CNTN3: variants seen among roughly 807,000 people sequenced by gnomAD.
CNTN3 encodes the protein contactin 3.
In CNTN3, 60 loss-of-function variants were observed where a neutral mutation model predicts 119.1. The ratio of observed to expected loss-of-function variants is 0.50; its 90% confidence interval spans 0.41 to 0.62. The LOEUF (loss-of-function observed/expected upper bound fraction) is 0.62, where lower values mean the gene tolerates loss of function less well. Among genes scored for constraint, CNTN3 ranks in the 20% least tolerant of loss-of-function variants. The probability of loss-of-function intolerance (pLI) is 0.00; values close to 1 mark genes in which losing one functional copy is unlikely to be tolerated. For synonymous variants in CNTN3, 450 were observed against 438.7 expected, an observed-to-expected ratio of 1.03 and a Z score of -0.32; for missense variants, 1,101 against 1,242.4, an observed-to-expected ratio of 0.89 and a Z score of 1.71.
chr3:74,364,640 CT>C, intron 9 of CNTN3, 44 bp from the exon 10 acceptor site: 2 of 1,508,060 alleles, frequency 1.3e-6, no homozygotes, highest in Non-Finnish European at 1.8e-6. Context: ...AAACATACCA[CT>C]TTAGAATAAA....
rs1704363193 is a variant in CNTN3 at position 74,573,285 on chromosome 3, T to C, written c.-81+41106A>G. Reference sequence around the variant, plus strand: ...CCGAGGGTGCACAATTGAAGAGTGCTTTCTTTTTTTTTTTTTAGCCTGTCC... The same window carrying C: ...CCGAGGGTGCACAATTGAAGAGTGCCTTCTTTTTTTTTTTTTAGCCTGTCC... On this transcript the variant is annotated intron_variant, in intron 1 of 22. Coordinates refer to ENST00000263665, the MANE Select transcript of CNTN3 (RefSeq NM_020872.3). Among the ~76,000 whole-genome samples, 2 of 151,212 alleles carry C rather than the reference T, an allele frequency of 1.3e-5. 1 individual carries two copies. Among genetic ancestry groups the C allele is most frequent in the Admixed American group, 1.3e-4 (2 of 15,194 alleles).
At chr3:74,455,782 C>A (rs1041565370) in intron 4 of CNTN3, among the ~76,000 whole-genome samples, 3 of 151,980 alleles carry the variant, frequency 2.0e-5, no homozygotes, top group African/African-American at 7.2e-5. Flanking sequence ...ACCCTGTTTG[C>A]CTGGAAGCCC....
chr3:74,373,251 C>T (rs1012928952), intron 5 of CNTN3, among the ~76,000 whole-genome samples: 1 of 152,188 alleles, frequency 6.6e-6, no homozygotes, highest in East Asian at 1.9e-4. Context: ...ATAATACTAG[C>T]AAGGTAGGTT....
chr3:74,571,547 G>T (rs142909526), intron 1 of CNTN3, among the ~76,000 whole-genome samples: 13 of 152,220 alleles, frequency 8.5e-5, no homozygotes, highest in African/African-American at 3.1e-4. Flanking sequence ...TGCTTTTATG[G>T]GGTGATTAGG....
At chr3:74,389,347 T>A (rs1704836528) in intron 5 of CNTN3, among the ~76,000 whole-genome samples, 1 of 152,188 alleles carries the variant, frequency 6.6e-6, no homozygotes, top group Admixed American at 6.5e-5. Context: ...GGGAAGATTA[T>A]GTCTGACTCT....
intron 2 of CNTN3, among the ~76,000 whole-genome samples, chr3:74,514,770 A>G (rs957163630): frequency 4.6e-5 from 7 of 152,106 alleles, no homozygotes; most frequent in Non-Finnish European, 1.0e-4. Flanking sequence ...TTCTTTCACT[A>G]TGCATTGTCT....
At chr3:74,505,519 A>AC (rs1553674655) in intron 2 of CNTN3, among the ~76,000 whole-genome samples, 3 of 151,494 alleles carry the variant, frequency 2.0e-5, no homozygotes, top group Admixed American at 2.0e-4. Context: ...ACACACACAC[A>AC]CACACCACAC....
At chr3:74,512,271 T>C (rs1056492433) in intron 2 of CNTN3, among the ~76,000 whole-genome samples, 1 of 152,082 alleles carries the variant, frequency 6.6e-6, no homozygotes, top group African/African-American at 2.4e-5. Flanking sequence ...GCCTGAAAAA[T>C]AGGATGGAAT....
At chr3:74,525,312 A>C (rs1257909387) in intron 1 of CNTN3, among the ~76,000 whole-genome samples, 1 of 151,926 alleles carries the variant, frequency 6.6e-6, no homozygotes, top group Non-Finnish European at 1.5e-5. Flanking sequence ...AGGTTTGAAG[A>C]TAAAAAGAGA....
At chr3:74,295,632 G>A (rs1559686826) in intron 18 of CNTN3, among the ~76,000 whole-genome samples, 1 of 152,080 alleles carries the variant, frequency 6.6e-6, no homozygotes. Context: ...AAAGGTCTAG[G>A]TTAAGTAAAG....
In CNTN3 at chr3:74,361,918, C is replaced by T. The variant is rs1402536565; in HGVS notation, c.1336G>A (p.Gly446Arg). ...SPRALSSWKKGDVSVQEHERI... is the reference protein window; with the variant it reads ...SPRALSSWKKRDVSVQEHERI... ...TCATGCTCCTGCACGCTCACATCCC[C>T]CTTCTTCCAGGAAGAGAGTGCCCTT... Residue 446 changes from glycine to arginine, a missense_variant, in exon 11 of 23, where the codon GGG becomes AGG. Transcript: ENST00000263665. 3 of 1,613,424 alleles carry T rather than the reference C, an allele frequency of 1.9e-6. No homozygotes were observed. The highest frequency in any genetic ancestry group is 2.5e-6 in the Non-Finnish European group (3 of 1,179,604).
At position 74,297,945 on chromosome 3, in the gene CNTN3, T is replaced by C. The variant is rs978736998; in HGVS notation, c.2401+12A>G. ...ATTAGGCGGAACTGATATACAGTCA[T>C]GTTTTCCATACCTTCTTCTGCAGAG... On this transcript the variant is annotated intron_variant, in intron 18 of 22. Transcript: ENST00000263665. 58 of 1,595,560 alleles carry C rather than the reference T, an allele frequency of 3.6e-5. No individual in the cohort carries two copies. The highest frequency in any genetic ancestry group is 5.0e-5 in the Non-Finnish European group (58 of 1,164,334).
intron 4 of CNTN3, among the ~76,000 whole-genome samples, chr3:74,480,775 A>T (rs1452181738): frequency 6.6e-6 from 1 of 151,998 alleles, no homozygotes; most frequent in Admixed American, 6.6e-5. Context: ...AAAATAGTAT[A>T]GGGTTCTCTA....
intron 4 of CNTN3, among the ~76,000 whole-genome samples, chr3:74,461,700 A>G (rs770746343): frequency 7.7e-4 from 117 of 152,252 alleles, no homozygotes; most frequent in Non-Finnish European, 3.5e-4. Context: ...AGATAGTTAC[A>G]GTATCAGACA....
chr3:74,495,878 A>T (rs1414152630), intron 3 of CNTN3, among the ~76,000 whole-genome samples: 2 of 152,060 alleles, frequency 1.3e-5, no homozygotes, highest in Non-Finnish European at 2.9e-5. Flanking sequence ...GTTCCTATAG[A>T]GCTGAAAGAG....
intron 20 of CNTN3, among the ~76,000 whole-genome samples, chr3:74,281,305 A>G (rs1702002773): frequency 6.6e-6 from 1 of 152,068 alleles, no homozygotes; most frequent in Admixed American, 6.6e-5. Flanking sequence ...TCAGCAGTGT[A>G]AGATGTGGTA....
At chr3:74,530,052 T>C (rs1351237877) in intron 1 of CNTN3, among the ~76,000 whole-genome samples, 2 of 152,022 alleles carry the variant, frequency 1.3e-5, no homozygotes, top group African/African-American at 2.4e-5. Flanking sequence ...GAGAGTGATC[T>C]TGGGGAAAAA....
Position 74,288,157 on chromosome 3 carries a change from TTC to T in CNTN3, c.2518-2668_2518-2667del, listed in dbSNP as rs1398659315. On this transcript the variant is annotated intron_variant, in intron 19 of 22. Coordinates refer to ENST00000263665, the MANE Select transcript of CNTN3 (RefSeq NM_020872.3). ...GACATCTTTTTTCTTTTCTTTTCTT[TTC>T]TTTTTTTTTTTTTTTTTGAGACAGA... Among the ~76,000 whole-genome samples, 316 of 123,100 alleles carry T rather than the reference TTC, an allele frequency of 2.6e-3. 24 individuals carry two copies. In the East Asian group the frequency reaches 0.045, roughly 18 times the overall value. 80.8% of individuals were successfully genotyped at this position (123,100 alleles called of 152,430 possible). A position where few individuals can be genotyped will look rare whatever the true frequency, so the allele number is the denominator to read the frequency against.
At chr3:74,546,339 G>A (rs991085432) in intron 1 of CNTN3, among the ~76,000 whole-genome samples, 1 of 152,130 alleles carries the variant, frequency 6.6e-6, no homozygotes, top group Non-Finnish European at 1.5e-5. Context: ...GGTTAATATT[G>A]AGTGTCAACT....
Sources: gnomAD v4.1 joint callset for allele counts (sites outside exome capture counted in the v4.1 genomes callset) on GRCh38, gnomAD v4.1.1 for gene constraint, MANE v1.5 for transcripts, NCBI Gene and HGNC (gene_info 2026-07-23, HGNC 2026-07-21) for gene names.